Variants in UBR3 observed in about 807,000 individuals in gnomAD.
UBR3 encodes ubiquitin protein ligase E3 component n-recognin 3, also known as E3 ubiquitin-protein ligase UBR3.
A neutral mutation model predicts 243.2 loss-of-function variants in UBR3; 85 were observed. The observed-to-expected ratio is 0.35, with a 90% CI of 0.29 to 0.42. The LOEUF (loss-of-function observed/expected upper bound fraction) is 0.42. Among genes scored for constraint, UBR3 ranks in the 10% least tolerant of loss-of-function variants. UBR3 has a pLI of 1.00. For synonymous variants in UBR3, 748 were observed against 799.8 expected, an observed-to-expected ratio of 0.94 and a Z score of 1.09; for missense variants, 1,686 against 2,300.8, an observed-to-expected ratio of 0.73 and a Z score of 5.47.
intron 5 of UBR3, among the ~76,000 whole-genome samples, chr2:169,889,437 C>A (rs183889007): frequency 8.5e-5 from 13 of 152,292 alleles, no homozygotes; most frequent in Admixed American, 1.3e-4. Context: ...CCTTTTCTCT[C>A]AGGTCTTGGA....
At chr2:170,055,347 G>GT in intron 32 of UBR3, 113 bp from the exon 33 acceptor site, 1 of 1,242,936 alleles carries the variant, frequency 8.0e-7, no homozygotes, top group South Asian at 1.4e-5. Context: ...AAACTATTAA[G>GT]TGTTGAAAAC....
chr2:170,002,220 C>T (rs2089739456), intron 27 of UBR3, among the ~76,000 whole-genome samples: 1 of 152,106 alleles, frequency 6.6e-6, no homozygotes, highest in South Asian at 2.1e-4. Flanking sequence ...TTTAATCAGC[C>T]TCCTTTGATT....
At chr2:170,032,951 AT>A (rs1462711682) in intron 31 of UBR3, among the ~76,000 whole-genome samples, 1 of 152,038 alleles carries the variant, frequency 6.6e-6, no homozygotes, top group Non-Finnish European at 1.5e-5. Context: ...TTGTGTGTGT[AT>A]TTTGTGTTTA....
intron 24 of UBR3, among the ~76,000 whole-genome samples, chr2:169,973,121 A>G (rs1395650427): frequency 2.9e-5 from 3 of 104,672 alleles, no homozygotes; most frequent in African/African-American, 1.1e-4. Flanking sequence ...TACACCAACA[A>G]CAGACAAACA....
At chr2:169,993,336 TTA>T (rs1484847229) in intron 25 of UBR3, among the ~76,000 whole-genome samples, 1 of 152,212 alleles carries the variant, frequency 6.6e-6, no homozygotes, top group Non-Finnish European at 1.5e-5. Flanking sequence ...ACATATACAC[TTA>T]TATCATTTTT....
intron 24 of UBR3, among the ~76,000 whole-genome samples, chr2:169,975,954 TTC>T (rs2088418833): frequency 6.6e-6 from 1 of 152,034 alleles, no homozygotes; most frequent in Non-Finnish European, 1.5e-5. Context: ...GACCATTTTT[TTC>T]TCTTTTTACA....
intron 24 of UBR3, among the ~76,000 whole-genome samples, chr2:169,970,130 A>C (rs1386050358): frequency 6.6e-6 from 1 of 151,540 alleles, no homozygotes; most frequent in African/African-American, 2.4e-5. Context: ...AATCCATGAC[A>C]TGAGATGTCT....
chr2:170,027,399 G>A (rs1253730467), intron 30 of UBR3, among the ~76,000 whole-genome samples: 1 of 151,376 alleles, frequency 6.6e-6, no homozygotes, highest in Non-Finnish European at 1.5e-5. Context: ...CTTATCTATA[G>A]AATGAGGAAA....
chr2:169,982,849 A>C (rs544905757), intron 24 of UBR3, among the ~76,000 whole-genome samples: 209 of 152,338 alleles, frequency 1.4e-3, no homozygotes, highest in Non-Finnish European at 2.6e-3. Flanking sequence ...AGTTTTCATC[A>C]GTCAATGAGA....
intron 24 of UBR3, among the ~76,000 whole-genome samples, chr2:169,972,899 TG>T (rs1559147231): frequency 6.7e-6 from 1 of 150,138 alleles, no homozygotes; most frequent in Non-Finnish European, 1.5e-5. Flanking sequence ...AACATAGTGT[TG>T]GAAGTTCTGG....
chr2:170,052,660 G>T (rs778821203), intron 32 of UBR3, among the ~76,000 whole-genome samples: 1 of 152,224 alleles, frequency 6.6e-6, no homozygotes, highest in African/African-American at 2.4e-5. Context: ...TAGAGAGTAG[G>T]AGGGTGGTTC....
chr2:170,081,118 C>G (rs776684178), intron 38 of UBR3, among the ~76,000 whole-genome samples: 45 of 152,246 alleles, frequency 3.0e-4, no homozygotes, highest in Non-Finnish European at 5.4e-4. Flanking sequence ...TTGAGCCCAG[C>G]AGGTGGCGGC....
At chr2:169,995,828 C>T (rs964386255) in intron 26 of UBR3, among the ~76,000 whole-genome samples, 2 of 152,266 alleles carry the variant, frequency 1.3e-5, no homozygotes, top group East Asian at 1.9e-4. Context: ...TTAGTAGCAG[C>T]AGCATTGTTA....
chr2:170,057,127 T>G (rs12052633), intron 33 of UBR3, among the ~76,000 whole-genome samples: 1 of 97,438 alleles, frequency 1.0e-5, no homozygotes, highest in African/African-American at 3.1e-5. Flanking sequence ...TCTTTTTTTT[T>G]TTTTTTTTGA....
rs1021772072 is a variant in UBR3, at chr2:170,078,256, G to A, written c.5200-1558G>A. 23 of 434,598 alleles carry A rather than the reference G, an allele frequency of 5.3e-5. No individual in the cohort carries two copies. The Admixed American group carries it at 7.4e-4, about 14-fold the overall frequency. 26.9% of individuals were successfully genotyped at this position (434,598 alleles called of 1,614,324 possible). ...CATGGTAATCCAAATGATATCCATG[G>A]CATTTACAGTGTAATTCAATATATT... On this transcript the variant is annotated intron_variant, in intron 36 of 38. Coordinates refer to ENST00000272793, the MANE Select transcript of UBR3 (RefSeq NM_172070.4).
At chr2:169,928,141 G>A (rs1182635667) in intron 17 of UBR3, among the ~76,000 whole-genome samples, 1 of 152,144 alleles carries the variant, frequency 6.6e-6, no homozygotes, top group Non-Finnish European at 1.5e-5. Flanking sequence ...GATACTGTCT[G>A]ATGATTTCCT....
At chr2:169,949,417 A>C in intron 22 of UBR3, 188 bp from the exon 23 acceptor site, 1 of 526,374 alleles carries the variant, frequency 1.9e-6, no homozygotes, top group East Asian at 3.3e-5. Flanking sequence ...TACTGTTTCT[A>C]GATTGAGTGG....
chr2:169,976,253 C>T (rs1193513898), intron 24 of UBR3, among the ~76,000 whole-genome samples: 10 of 150,690 alleles, frequency 6.6e-5, no homozygotes, highest in Non-Finnish European at 1.2e-4. Context: ...TCCTTTCTTC[C>T]TCTCTTATTG....
At chr2:169,960,935 A>G (rs1441506204) in intron 24 of UBR3, among the ~76,000 whole-genome samples, 3 of 152,118 alleles carry the variant, frequency 2.0e-5, no homozygotes, top group South Asian at 4.1e-4. Flanking sequence ...CAAAGAGACT[A>G]TCTTTAGTAC....
Sources: allele counts gnomAD v4.1 joint callset (sites outside exome capture counted in the v4.1 genomes callset), GRCh38; gene constraint gnomAD v4.1.1; transcripts MANE v1.5; gene names NCBI Gene and HGNC (gene_info 2026-07-23, HGNC 2026-07-21).